Variants in IL10RB observed in about 807,000 individuals in gnomAD.
The protein encoded by IL10RB is interleukin 10 receptor subunit beta.
In IL10RB, 30 loss-of-function variants were observed where a neutral mutation model predicts 38.7. That is an observed-to-expected ratio of 0.78 (90% CI 0.58 to 1.05). The LOEUF (loss-of-function observed/expected upper bound fraction) is 1.05, where lower values mean the gene tolerates loss of function less well. IL10RB is among the 50% of genes least tolerant of loss of function. The pLI is 0.00. For synonymous variants in IL10RB, 142 were observed against 145.9 expected, an observed-to-expected ratio of 0.97 and a Z score of 0.19; for missense variants, 328 against 397.1, an observed-to-expected ratio of 0.83 and a Z score of 1.48.
chr21:33,305,107 A>G (rs2082995691), intron 1 of IL10RB, among the ~76,000 whole-genome samples: 1 of 151,994 alleles, frequency 6.6e-6, no homozygotes, highest in African/African-American at 2.4e-5. Context: ...CTAAGTCTTC[A>G]ACTGTTTTTG....
intron 6 of IL10RB, among the ~76,000 whole-genome samples, chr21:33,291,096 C>G (rs1309292401): frequency 6.6e-6 from 1 of 152,078 alleles, no homozygotes; most frequent in African/African-American, 2.4e-5. Flanking sequence ...CAAGCCTTCT[C>G]CCTATGTGAG....
rs1988938746 is a variant in IL10RB, at chr21:33,266,368, T to C, written c.-98T>C. On this transcript the variant is annotated 5_prime_UTR_variant, in exon 1 of 7. Coordinates refer to ENST00000290200, the MANE Select transcript of IL10RB (RefSeq NM_000628.5). Reference sequence around the variant, plus strand: ...GCCCCTCCCCACCCCGCCCCGCCCATCTCCGCTGGTTCCCGGAAGCCGCCG... The same window carrying C: ...GCCCCTCCCCACCCCGCCCCGCCCACCTCCGCTGGTTCCCGGAAGCCGCCG... 3 of 1,377,932 alleles carry C rather than the reference T, an allele frequency of 2.2e-6. No individual in the cohort carries two copies. Among genetic ancestry groups the C allele is most frequent in the Non-Finnish European group, 3.0e-6 (3 of 1,014,054 alleles). 85.4% of individuals were successfully genotyped at this position (1,377,932 alleles called of 1,614,324 possible). A position where few individuals can be genotyped will look rare whatever the true frequency, so the allele number is the denominator to read the frequency against.
At chr21:33,300,155 G>A (rs895295322), downstream of IL10RB, among the ~76,000 whole-genome samples, 1 of 152,124 alleles carries the variant, frequency 6.6e-6, no homozygotes, top group Non-Finnish European at 1.5e-5. Flanking sequence ...AATAAATAAT[G>A]ATGGCTAGGT....
At chr21:33,305,257 C>T (rs1035303595) in intron 1 of IL10RB, among the ~76,000 whole-genome samples, 2 of 152,122 alleles carry the variant, frequency 1.3e-5, no homozygotes, top group Non-Finnish European at 2.9e-5. Context: ...TACCGATGCG[C>T]ACCACCACGA....
Position 33,288,207 on chromosome 21 carries a change from G to A in IL10RB, c.750G>A (p.Lys250=), listed in dbSNP as rs1012647272. 6.2e-7 allele frequency: 1 copy of A among 1,614,018 alleles called. No homozygotes were observed. The highest frequency in any genetic ancestry group is 1.3e-5 in the African/African-American group (1 of 74,916). The change falls in exon 6 of 7, where the codon AAG becomes AAA. Residue 250 remains lysine (K), a synonymous_variant. Transcript: ENST00000290200. ...GCFALLWCVY[K]KTKYAFSPRN... ...TCGCCTTGCTGTGGTGCGTTTACAAGAAGACAAAGTACGCCTTCTCCCCTA... is the reference window on the plus strand; with the variant it reads ...TCGCCTTGCTGTGGTGCGTTTACAAAAAGACAAAGTACGCCTTCTCCCCTA...
chr21:33,268,138 G>T, intron 1 of IL10RB: 1 of 1,163,824 alleles, frequency 8.6e-7, no homozygotes, highest in Non-Finnish European at 1.1e-6. Flanking sequence ...CCCCCTCATA[G>T]CTTTCTGCCA....
intron 6 of IL10RB, among the ~76,000 whole-genome samples, chr21:33,292,775 C>T (rs990996838): frequency 3.9e-5 from 6 of 152,222 alleles, no homozygotes; most frequent in African/African-American, 1.2e-4. Flanking sequence ...CCACCCCAGA[C>T]ACTTCAAGGA....
rs8178451 is a variant in IL10RB at position 33,268,613 on chromosome 21, G to A, written c.173+96G>A. On this transcript the variant is annotated intron_variant, in intron 2 of 6. Transcript: ENST00000290200. ...CACAGGAGGAAGGGAGTCTGACTAC[G>A]GTCACCGTGTGACTGTGACAACCCT... 1,451 of 886,106 alleles carry A rather than the reference G, an allele frequency of 1.6e-3. 21 individuals are homozygous for A. The African/African-American group carries it at 0.021, about 13-fold the overall frequency. The allele number at this position is 886,106 out of a possible 1,614,324, so 54.9% of individuals were successfully genotyped here. A position where few individuals can be genotyped will look rare whatever the true frequency, so the allele number is the denominator to read the frequency against.
chr21:33,302,630 T>G (rs1229921096), intron 1 of IL10RB, among the ~76,000 whole-genome samples: 2 of 152,138 alleles, frequency 1.3e-5, no homozygotes, highest in African/African-American at 4.8e-5. Context: ...CTTCATGGTA[T>G]TGAGGAGTGA....
intron 2 of IL10RB, among the ~76,000 whole-genome samples, chr21:33,272,766 A>T (rs1272490708): frequency 6.6e-6 from 1 of 152,176 alleles, no homozygotes; most frequent in Non-Finnish European, 1.5e-5. Flanking sequence ...TTTTTGCAGG[A>T]TGAGAGCCTG....
At chr21:33,296,087 T>C (rs1167167305) in intron 6 of IL10RB, 97 bp from the exon 7 acceptor site, 1 of 846,002 alleles carries the variant, frequency 1.2e-6, no homozygotes, top group Non-Finnish European at 1.9e-6. Context: ...TAAAATAAAA[T>C]AGATTTTCCA....
At chr21:33,281,431 C>T (rs1989277499) in intron 4 of IL10RB, among the ~76,000 whole-genome samples, 1 of 152,192 alleles carries the variant, frequency 6.6e-6, no homozygotes, top group South Asian at 2.1e-4. Context: ...TCTTTTCTCA[C>T]ACATGCCCAC....
chr21:33,285,730 C>T (rs45547332), intron 5 of IL10RB, among the ~76,000 whole-genome samples: 5 of 152,144 alleles, frequency 3.3e-5, no homozygotes, highest in African/African-American at 4.8e-5. Context: ...AGTCTCCGGG[C>T]GCCAAATTAG....
exon 2 of IL10RB, chr21:33,309,403 GCTCTTCACTGC>G (rs1254664443): frequency 6.6e-6 from 1 of 152,186 alleles, no homozygotes; most frequent in Non-Finnish European, 1.5e-5. Flanking sequence ...TGTTTCAGTT[GCTCTTCACTGC>G]CTCCTTATGA....
intron 6 of IL10RB, among the ~76,000 whole-genome samples, chr21:33,293,030 C>T (rs1374281044): frequency 1.3e-5 from 2 of 152,228 alleles, no homozygotes; most frequent in Non-Finnish European, 2.9e-5. Flanking sequence ...CAGCACAATG[C>T]TTCCTTCCTA....
In IL10RB at chr21:33,296,437, C is replaced by G; in HGVS notation, c.*80C>G. 1 of 1,404,214 alleles carries G rather than the reference C, an allele frequency of 7.1e-7. No individual in the cohort carries two copies. The highest frequency in any genetic ancestry group is 9.9e-7 in the Non-Finnish European group (1 of 1,009,460). 87.0% of individuals were successfully genotyped at this position (1,404,214 alleles called of 1,614,324 possible). A position where few individuals can be genotyped will look rare whatever the true frequency, so the allele number is the denominator to read the frequency against. ...CTGCCTCAGTGAGGGATCAGGGCAG[C>G]AAACAAGGGCCAAGACCATCTGAGC... On this transcript the variant is annotated 3_prime_UTR_variant, in exon 7 of 7. Coordinates refer to ENST00000290200, the MANE Select transcript of IL10RB (RefSeq NM_000628.5).
chr21:33,268,211 C>A, intron 1 of IL10RB, 183 bp from the exon 2 acceptor site: 1 of 1,505,092 alleles, frequency 6.6e-7, no homozygotes, highest in South Asian at 1.3e-5. Context: ...AGAAATTTCT[C>A]CTCACGGCTG....
At position 33,279,884 on chromosome 21, in the gene IL10RB, A is replaced by G. The variant is rs1418782614; in HGVS notation, c.464A>G (p.Asn155Ser). The G allele has an allele frequency of 1.2e-6, 2 of 1,614,014 alleles. No individual in the cohort carries two copies. The highest frequency in any genetic ancestry group is 1.1e-5 in the South Asian group (1 of 91,070). Residue 155 changes from asparagine (N) to serine (S), a missense_variant, in exon 4 of 7, where the codon AAT becomes AGT. By Grantham distance (46) the Asn-to-Ser change is conservative. Transcript: ENST00000290200. ...MKNVYNSWTYNVQYWKNGTDE... is the reference protein window; with the variant it reads ...MKNVYNSWTYSVQYWKNGTDE... ...AATGTGTATAACTCATGGACTTATA[A>G]TGTGCAATACTGGAAAAACGGTACT... is the stretch of plus-strand genomic sequence containing the variant.
intron 2 of IL10RB, among the ~76,000 whole-genome samples, chr21:33,275,808 A>G (rs1043331540): frequency 6.6e-6 from 1 of 152,238 alleles, no homozygotes. Context: ...GGAGAGAGGC[A>G]GGAGAGTGGA....
Sources: allele counts gnomAD v4.1 joint callset (sites outside exome capture counted in the v4.1 genomes callset), GRCh38; gene constraint gnomAD v4.1.1; transcripts MANE v1.5; gene names NCBI Gene and HGNC (gene_info 2026-07-23, HGNC 2026-07-21).